Variants in AKR1B10 observed in about 807,000 individuals in gnomAD.
AKR1B10 encodes the protein ARP.
AKR1B10 carries 39 observed loss-of-function variants against 38.9 expected under a neutral mutation model. The observed-to-expected ratio is 1.00, with a 90% CI of 0.78 to 1.31. The LOEUF is 1.31. AKR1B10 is among the 50% of genes most tolerant of loss of function. The probability of loss-of-function intolerance (pLI) is 0.00; values close to 1 mark genes in which losing one functional copy is unlikely to be tolerated. For synonymous variants in AKR1B10, 148 were observed against 141.2 expected, an observed-to-expected ratio of 1.05 and a Z score of -0.34; for missense variants, 361 against 382.6, an observed-to-expected ratio of 0.94 and a Z score of 0.47.
chr7:134,528,061 T>A (rs1321851171), intron 1 of AKR1B10, 84 bp downstream of exon 1: 7 of 1,546,248 alleles, frequency 4.5e-6, no homozygotes, highest in Non-Finnish European at 5.3e-6. Flanking sequence ...CAGGAAAGCC[T>A]GGAGGTCGGG....
chr7:134,528,268 A>G (rs78552643), intron 1 of AKR1B10, among the ~76,000 whole-genome samples: 2,209 of 152,274 alleles, frequency 0.015, 47 homozygotes, highest in African/African-American at 0.05. Context: ...TGGTTCTAGG[A>G]CACTTAATTG....
rs150738610 is a variant in AKR1B10 at position 134,536,754 on chromosome 7, T to C, written c.534T>C (p.Tyr178=). ...EKLLNKPGLK[Y]KPVTNQVECH... is the part of the protein sequence containing the mutation. Reference sequence around the variant, plus strand: ...TCTTGAACAAACCTGGACTGAAATATAAACCAGTGACTAACCAGGTAAATT... The same window carrying C: ...TCTTGAACAAACCTGGACTGAAATACAAACCAGTGACTAACCAGGTAAATT... The change falls in exon 5 of 10, where the codon TAT becomes TAC. Residue 178 remains tyrosine, a synonymous_variant. Transcript: ENST00000359579. 3 of 1,613,766 alleles carry C rather than the reference T, an allele frequency of 1.9e-6. No individual in the cohort carries two copies. The highest frequency in any genetic ancestry group is 2.2e-5 in the East Asian group (1 of 44,888).
chr7:134,533,373 G>T (rs949883991), intron 4 of AKR1B10, among the ~76,000 whole-genome samples: 1 of 152,152 alleles, frequency 6.6e-6, no homozygotes, highest in African/African-American at 2.4e-5. Flanking sequence ...GGAGGTTTGG[G>T]CCTGGGTGTG....
At chr7:134,528,308 TG>T (rs1807747740) in intron 1 of AKR1B10, among the ~76,000 whole-genome samples, 3 of 152,112 alleles carry the variant, frequency 2.0e-5, no homozygotes, top group Non-Finnish European at 4.4e-5. Context: ...GTCTTGGCTG[TG>T]GGTTTGTTGT....
At chr7:134,538,712 C>T (rs1445612544) in intron 8 of AKR1B10, among the ~76,000 whole-genome samples, 1 of 152,132 alleles carries the variant, frequency 6.6e-6, no homozygotes, top group East Asian at 1.9e-4. Context: ...TGCCTGTGAG[C>T]CTGGTCTCCC....
rs1043710035 is a variant in AKR1B10, at chr7:134,541,345, T to C, written c.*256T>C. ...TTATCTGATCAGAACAAATGTTTAT[T>C]AAGCATCAGAAACTCTGCCAACACT... On this transcript the variant is annotated 3_prime_UTR_variant, in exon 10 of 10. Transcript: ENST00000359579. 2.3e-5 allele frequency: 9 copies of C among 387,144 alleles called. No homozygotes were observed. In the Admixed American group the frequency reaches 3.4e-4, roughly 15 times the overall value. The allele number at this position is 387,144 out of a possible 1,614,324, so 24.0% of individuals were successfully genotyped here. A position where few individuals can be genotyped will look rare whatever the true frequency, so the allele number is the denominator to read the frequency against.
At chr7:134,535,608 T>TTTTA in intron 4 of AKR1B10, 18 of 880,668 alleles carry the variant, frequency 2.0e-5, no homozygotes, top group East Asian at 1.4e-4. Context: ...TTTTTTTTTT[T>TTTTA]CTTTTGAGGC....
chr7:134,530,818 G>A lies in AKR1B10; in HGVS notation c.234+8G>A, dbSNP rs756625531. ...CTGTTCATCGTCAGCAAGGTGCAATGGTGCATTTGGTGGGAGGCCTTCACT... is the reference window on the plus strand; with the variant it reads ...CTGTTCATCGTCAGCAAGGTGCAATAGTGCATTTGGTGGGAGGCCTTCACT... On this transcript the variant is annotated splice_region_variant and intron_variant, in intron 2 of 9. Transcript: ENST00000359579. 1.1e-5 allele frequency: 17 copies of A among 1,603,346 alleles called. No individual in the cohort carries two copies. The East Asian group carries it at 3.8e-4, about 36-fold the overall frequency.
rs201546370 is a variant in AKR1B10 at position 134,532,085 on chromosome 7, G to A, written c.351+61G>A. The A allele has an allele frequency of 3.5e-5, 56 of 1,594,690 alleles. 1 individual carries two copies. In the South Asian group the frequency reaches 4.7e-4, roughly 14 times the overall value. ...GAGCAGGTGCCAGAAAATAGTAGCTGCACCAGGGCTGTGGGGTGGTGTGGA... is the reference window on the plus strand; with the variant it reads ...GAGCAGGTGCCAGAAAATAGTAGCTACACCAGGGCTGTGGGGTGGTGTGGA... On this transcript the variant is annotated intron_variant, in intron 3 of 9. Transcript: ENST00000359579.
rs1722883 is a variant in AKR1B10, at chr7:134,530,651, T to C, written c.75T>C (p.Leu25=). Residue 25 remains leucine, a synonymous_variant, in exon 2 of 10, where the codon CTT becomes CTC. Coordinates refer to ENST00000359579, the MANE Select transcript of AKR1B10 (RefSeq NM_020299.5). ...IVGLGTWKSP[L]GKVKEAVKVA... is the part of the protein sequence containing the mutation. ...TTTCTTTTGCCTTTCAGTCTCCTCT[T>C]GGCAAAGTGAAAGAAGCAGTGAAGG... 0.48 allele frequency: 768,906 copies of C among 1,613,478 alleles called. 187,535 individuals carry two copies. Among genetic ancestry groups the C allele is most frequent in the African/African-American group, 0.74 (55,272 of 74,924 alleles).
rs188061310 is a variant in AKR1B10, at chr7:134,538,871, G to A, written c.826-64G>A. 745 of 1,590,262 alleles carry A rather than the reference G, an allele frequency of 4.7e-4. 9 individuals are homozygous for A. The African/African-American group carries it at 8.6e-3, about 18-fold the overall frequency. ...GAGCTCCCTCCCTGCTAGAATGGCC[G>A]GCAGTCTCCAGCCACAGCTAGAATG... On this transcript the variant is annotated intron_variant, in intron 8 of 9. Transcript: ENST00000359579.
rs58628862 is a variant in AKR1B10 at position 134,535,585 on chromosome 7, C to CTTTTTTTT, written c.430-1049_430-1042dup. The CTTTTTTTT allele has an allele frequency of 7.2e-4, 296 of 410,566 alleles. 1 individual carries two copies. The highest frequency in any genetic ancestry group is 2.0e-3 in the Admixed American group (16 of 8,086). 25.4% of individuals were successfully genotyped at this position (410,566 alleles called of 1,614,324 possible). ...CTCATGTTTTTTCCCTCTTTTCTGT[C>CTTTTTTTT]TTTTTTTTTTTTTTTTTTTTTTTCT... On this transcript the variant is annotated intron_variant, in intron 4 of 9. Transcript: ENST00000359579.
Position 134,537,551 on chromosome 7 carries a change from T to A in AKR1B10, c.660-29T>A, listed in dbSNP as rs1445731259. 1.9e-6 allele frequency: 3 copies of A among 1,605,714 alleles called. No individual in the cohort carries two copies. The Admixed American group carries it at 5.0e-5, about 27-fold the overall frequency. On this transcript the variant is annotated intron_variant, in intron 6 of 9. Transcript: ENST00000359579. Reference sequence around the variant, plus strand: ...TTCTGTACATGGTAGCCATGGTGATTATTCACATCAGCATCTTTCTGCCCC... The same window carrying A: ...TTCTGTACATGGTAGCCATGGTGATAATTCACATCAGCATCTTTCTGCCCC...
chr7:134,537,437 A>G, intron 6 of AKR1B10, 143 bp from the exon 7 acceptor site: 1 of 1,283,776 alleles, frequency 7.8e-7, no homozygotes, highest in Non-Finnish European at 1.1e-6. Context: ...AGCCCGGGGA[A>G]AGGACCCAAG....
intron 4 of AKR1B10, chr7:134,535,491 A>G: frequency 5.8e-6 from 3 of 516,756 alleles, no homozygotes; most frequent in Non-Finnish European, 7.4e-6. Flanking sequence ...GGGCTGGATA[A>G]AGTGTTCCCT....
intron 1 of AKR1B10, among the ~76,000 whole-genome samples, chr7:134,529,704 A>G (rs894026015): frequency 1.3e-5 from 2 of 152,168 alleles, no homozygotes; most frequent in Non-Finnish European, 1.5e-5. Flanking sequence ...ATCAAGTTTT[A>G]AGTGCTTTTT....
intron 5 of AKR1B10, 130 bp from the exon 6 acceptor site, chr7:134,536,921 A>T: frequency 2.5e-6 from 4 of 1,579,688 alleles, no homozygotes; most frequent in Middle Eastern, 3.4e-4. Flanking sequence ...CTCACGGGTG[A>T]TTTAGCAAGT....
chr7:134,537,015 G>A lies in AKR1B10; in HGVS notation c.553-36G>A, dbSNP rs532307318. 54 of 1,558,890 alleles carry A rather than the reference G, an allele frequency of 3.5e-5. No individual in the cohort carries two copies. In the Admixed American group the frequency reaches 5.3e-4, roughly 15 times the overall value. ...CCTAGGAACAATGCAAAACAGAGCC[G>A]GCTTTCCCCGTGATGAGGATTGTTT... On this transcript the variant is annotated intron_variant, in intron 5 of 9. Transcript: ENST00000359579.
In AKR1B10 at chr7:134,536,697, C is replaced by T. The variant is rs1808016231; in HGVS notation, c.477C>T (p.Val159=). ...VDEGLVKALG[V]SNFSHFQIEK... ...AGGGGCTGGTGAAAGCCCTTGGGGT[C>T]TCCAATTTCAGCCACTTCCAGATCG... The change falls in exon 5 of 10, where the codon GTC becomes GTT. Residue 159 remains valine, a synonymous_variant. Coordinates refer to ENST00000359579, the MANE Select transcript of AKR1B10 (RefSeq NM_020299.5). 6.2e-7 allele frequency: 1 copy of T among 1,613,906 alleles called. No individual in the cohort carries two copies. The highest frequency in any genetic ancestry group is 8.5e-7 in the Non-Finnish European group (1 of 1,179,820).
Sources: gnomAD v4.1 joint callset for allele counts (sites outside exome capture counted in the v4.1 genomes callset) on GRCh38, gnomAD v4.1.1 for gene constraint, MANE v1.5 for transcripts, NCBI Gene and HGNC (gene_info 2026-07-23, HGNC 2026-07-21) for gene names.